SPDYA: variants seen among roughly 807,000 people sequenced by gnomAD.
The protein encoded by SPDYA is speedy protein A.
In SPDYA, 11 loss-of-function variants were observed where a neutral mutation model predicts 36.7. The observed-to-expected ratio is 0.30, with a 90% CI of 0.19 to 0.50. The LOEUF (loss-of-function observed/expected upper bound fraction) is 0.50. SPDYA is among the 20% of genes least tolerant of loss of function. The probability of loss-of-function intolerance (pLI) is 0.98; values close to 1 mark genes in which losing one functional copy is unlikely to be tolerated. For synonymous variants in SPDYA, 115 were observed against 118.7 expected (o/e 0.97, Z 0.20); for missense variants, 287 against 370.9 (o/e 0.77, Z 1.86).
At chr2:28,838,021 G>A (rs891505986) in intron 6 of SPDYA, among the ~76,000 whole-genome samples, 1 of 151,882 alleles carries the variant, frequency 6.6e-6, no homozygotes, top group Non-Finnish European at 1.5e-5. Context: ...TAAAAAAGGG[G>A]GATGTTTCTA....
intron 6 of SPDYA, among the ~76,000 whole-genome samples, chr2:28,833,202 T>C (rs1668517829): frequency 6.6e-6 from 1 of 152,184 alleles, no homozygotes; most frequent in Non-Finnish European, 1.5e-5. Flanking sequence ...ATGACTTCTC[T>C]ACTCAAAAGC....
At chr2:28,830,315 T>G (rs538785912) in intron 6 of SPDYA, among the ~76,000 whole-genome samples, 1 of 151,118 alleles carries the variant, frequency 6.6e-6, no homozygotes, top group East Asian at 2.0e-4. Flanking sequence ...GCCATTCTCT[T>G]GCCTCAGCCT....
chr2:28,846,774 A>ACACAC (rs1558333952), intron 7 of SPDYA, among the ~76,000 whole-genome samples: 1 of 115,872 alleles, frequency 8.6e-6, no homozygotes, highest in East Asian at 3.5e-4. Context: ...CACACACACA[A>ACACAC]AGGGAAGTGA....
Position 28,844,855 on chromosome 2 carries a change from C to T in SPDYA, c.850+4386C>T, listed in dbSNP as rs148088146. 4.5e-3 allele frequency among the ~76,000 whole-genome samples: 683 copies of T among 152,148 alleles called. 6 individuals are homozygous for T. The highest frequency in any genetic ancestry group is 0.016 in the African/African-American group (644 of 41,522). The stretch of plus-strand genomic sequence containing the variant: ...GGCTGAGACAGGAGAATTGCTTGAA[C>T]CCGGGAGGCGGAGGTTGCAGTGAGC... On this transcript the variant is annotated intron_variant, in intron 7 of 7. Coordinates refer to ENST00000334056, the MANE Select transcript of SPDYA (RefSeq NM_182756.4).
intron 6 of SPDYA, among the ~76,000 whole-genome samples, chr2:28,838,861 G>A (rs1478055184): frequency 6.6e-6 from 1 of 152,106 alleles, no homozygotes; most frequent in Non-Finnish European, 1.5e-5. Context: ...GTGGGCCATT[G>A]CACCTGGACT....
chr2:28,839,895 G>C (rs1668708701), intron 6 of SPDYA, among the ~76,000 whole-genome samples: 1 of 152,076 alleles, frequency 6.6e-6, no homozygotes, highest in South Asian at 2.1e-4. Flanking sequence ...AGAATATTCA[G>C]AATTAAAAAA....
rs1379387032 is a variant in SPDYA, at chr2:28,811,107, G to C, written c.-93+160G>C. The C allele has an allele frequency of 1.3e-5, 2 of 152,376 alleles. No individual in the cohort carries two copies. The highest frequency in any genetic ancestry group is 2.9e-5 in the Non-Finnish European group (2 of 68,168). The allele number at this position is 152,376 out of a possible 1,614,324, so 9.4% of individuals were successfully genotyped here. The stretch of plus-strand genomic sequence containing the variant: ...ACGCCGCCTCCCGTGGGCGCCCTCA[G>C]CTGCCTTCGCGGCGACGACACACGC... On this transcript the variant is annotated intron_variant, in intron 1 of 7. Coordinates refer to ENST00000334056, the MANE Select transcript of SPDYA (RefSeq NM_182756.4). This position sits in a 1 kb window ranked among gnomAD's most constrained non-coding sequence, Gnocchi z 4.2.
intron 5 of SPDYA, among the ~76,000 whole-genome samples, chr2:28,826,327 G>C (rs1273741954): frequency 6.6e-6 from 1 of 152,010 alleles, no homozygotes; most frequent in Non-Finnish European, 1.5e-5. Context: ...AGTAGAGACA[G>C]GGTTTCACCA....
At chr2:28,828,053 G>A (rs139528763) in intron 5 of SPDYA, among the ~76,000 whole-genome samples, 55 of 150,264 alleles carry the variant, frequency 3.7e-4, no homozygotes, top group African/African-American at 1.1e-3. Flanking sequence ...TTGCAATCTC[G>A]GTGGCTCACT....
rs1572511555 is a variant in SPDYA at position 28,837,681 on chromosome 2, C to T, written c.553-2491C>T. ...AGGTTAAGTGACTTCTTCAAAGACACACAATAAGTAAAGCAGCACTCCAGT... is the reference window on the plus strand; with the variant it reads ...AGGTTAAGTGACTTCTTCAAAGACATACAATAAGTAAAGCAGCACTCCAGT... On this transcript the variant is annotated intron_variant, in intron 6 of 7. Transcript: ENST00000334056. Among the ~76,000 whole-genome samples the T allele has an allele frequency of 2.0e-5, 3 of 150,462 alleles. No individual in the cohort carries two copies. In the South Asian group the frequency reaches 6.3e-4, roughly 32 times the overall value.
At position 28,816,207 on chromosome 2, in the gene SPDYA, G is replaced by T; in HGVS notation, c.193G>T (p.Val65Phe). ...TAAACGCCCCAAAGGACCTTGTCTG[G>T]TTATACAGCGTCAGGATATGACTGC... ...KSKRPKGPCL[V>F]IQRQDMTAFF... The change falls in exon 3 of 8, where the codon GTT becomes TTT. Residue 65 changes from valine to phenylalanine, a missense_variant. Coordinates refer to ENST00000334056, the MANE Select transcript of SPDYA (RefSeq NM_182756.4). The T allele has an allele frequency of 6.2e-7, 1 of 1,613,620 alleles. No homozygotes were observed. Among genetic ancestry groups the T allele is most frequent in the Non-Finnish European group, 8.5e-7 (1 of 1,179,864 alleles).
rs1277072463 is a variant in SPDYA, at chr2:28,811,375, G to A, written c.-93+428G>A. On this transcript the variant is annotated intron_variant, in intron 1 of 7. Transcript: ENST00000334056. The surrounding 1 kb of genome is among the most constrained non-coding windows in gnomAD (Gnocchi z 4.2). ...TTTATTGTGGGAGGAATGGAGATTT[G>A]GGGGGTCTTTTTGATAAATCCTACC... Among the ~76,000 whole-genome samples, 1 of 152,138 alleles carries A rather than the reference G, an allele frequency of 6.6e-6. No homozygotes were observed. Among genetic ancestry groups the A allele is most frequent in the African/African-American group, 2.4e-5 (1 of 41,446 alleles).
intron 4 of SPDYA, among the ~76,000 whole-genome samples, chr2:28,820,965 A>G (rs974763713): frequency 3.3e-5 from 5 of 152,210 alleles, no homozygotes; most frequent in African/African-American, 1.2e-4. Context: ...CAATAGATCA[A>G]CTGTGGCTGT....
In SPDYA at chr2:28,850,091, G is replaced by A. The variant is rs1165896073; in HGVS notation, c.*150G>A. 6 of 1,200,330 alleles carry A rather than the reference G, an allele frequency of 5.0e-6. No individual in the cohort carries two copies. Among genetic ancestry groups the A allele is most frequent in the Non-Finnish European group, 6.0e-6 (5 of 832,668 alleles). 74.4% of individuals were successfully genotyped at this position (1,200,330 alleles called of 1,614,324 possible). On this transcript the variant is annotated 3_prime_UTR_variant, in exon 8 of 8. Coordinates refer to ENST00000334056, the MANE Select transcript of SPDYA (RefSeq NM_182756.4). The stretch of plus-strand genomic sequence containing the variant: ...AAAATTATATGTATAAGTTATATAA[G>A]TCATAGTAATAGCTAAAAATGCCAA...
rs116001869 is a variant in SPDYA at position 28,844,217 on chromosome 2, T to C, written c.850+3748T>C. On this transcript the variant is annotated intron_variant, in intron 7 of 7. Coordinates refer to ENST00000334056, the MANE Select transcript of SPDYA (RefSeq NM_182756.4). ...GGCTGTGCTAAGTATATGATCAACA[T>C]TGAGGAGCACAAAAGATTTCAGAAT... Among the ~76,000 whole-genome samples the C allele has an allele frequency of 4.5e-3, 684 of 152,290 alleles. 6 individuals are homozygous for C. The highest frequency in any genetic ancestry group is 0.016 in the African/African-American group (646 of 41,550).
At chr2:28,844,514 G>A (rs776384130) in intron 7 of SPDYA, among the ~76,000 whole-genome samples, 3 of 152,258 alleles carry the variant, frequency 2.0e-5, no homozygotes, top group East Asian at 1.9e-4. Context: ...ACTGATTTTC[G>A]ACAGTGTACC....
At chr2:28,828,553 G>C (rs1668391373) in intron 5 of SPDYA, among the ~76,000 whole-genome samples, 1 of 152,128 alleles carries the variant, frequency 6.6e-6, no homozygotes, top group African/African-American at 2.4e-5. Flanking sequence ...TATCAGTTTG[G>C]GGTTGATTTT....
chr2:28,835,403 A>G (rs545417600), intron 6 of SPDYA, among the ~76,000 whole-genome samples: 1 of 151,970 alleles, frequency 6.6e-6, no homozygotes, highest in Non-Finnish European at 1.5e-5. Context: ...ACGCCCGGCT[A>G]TTTTGTATTT....
chr2:28,822,605 T>TTTA (rs1668196591), intron 5 of SPDYA, among the ~76,000 whole-genome samples, 195 bp downstream of exon 5: 3 of 152,170 alleles, frequency 2.0e-5, no homozygotes, highest in East Asian at 3.9e-4. Context: ...AGATTTCCTT[T>TTTA]TTTATTTATT....
Sources: allele counts gnomAD v4.1 joint callset (sites outside exome capture counted in the v4.1 genomes callset), GRCh38; gene constraint gnomAD v4.1.1; non-coding constraint Gnocchi (gnomAD v3.1); transcripts MANE v1.5; gene names NCBI Gene and HGNC (gene_info 2026-07-23, HGNC 2026-07-21).